TRPC4AP: variants seen among roughly 807,000 people sequenced by gnomAD.
TRPC4AP encodes the protein short transient receptor potential channel 4-associated protein.
In TRPC4AP, 45 loss-of-function variants were observed where a neutral mutation model predicts 99.0. The observed-to-expected ratio is 0.45, with a 90% confidence interval of 0.36 to 0.58. TRPC4AP has a LOEUF of 0.58. Among genes scored for constraint, TRPC4AP ranks in the 20% least tolerant of loss-of-function variants. TRPC4AP has a pLI of 0.00. For synonymous variants in TRPC4AP, 408 were observed against 385.8 expected, an observed-to-expected ratio of 1.06 and a Z score of -0.67; for missense variants, 879 against 985.3, an observed-to-expected ratio of 0.89 and a Z score of 1.44.
intron 8 of TRPC4AP, among the ~76,000 whole-genome samples, chr20:35,031,328 T>C (rs749476913): frequency 1.3e-5 from 2 of 151,598 alleles, no homozygotes; most frequent in Non-Finnish European, 2.9e-5. Context: ...GTTGAGGTGA[T>C]TGTCCCATCT....
intron 8 of TRPC4AP, among the ~76,000 whole-genome samples, chr20:35,029,357 T>A (rs2083110527): frequency 6.6e-6 from 1 of 152,220 alleles, no homozygotes. Flanking sequence ...GAATTGAAAG[T>A]GTGTTTTCTA....
chr20:35,060,000 TA>T (rs1202307701), intron 3 of TRPC4AP, among the ~76,000 whole-genome samples: 8 of 150,644 alleles, frequency 5.3e-5, no homozygotes, highest in Admixed American at 2.6e-4. Flanking sequence ...CTTAGTGATT[TA>T]AAAAAAAACA....
At chr20:35,043,182 G>C (rs1468643791) in intron 7 of TRPC4AP, among the ~76,000 whole-genome samples, 3 of 151,816 alleles carry the variant, frequency 2.0e-5, no homozygotes, top group East Asian at 1.9e-4. Flanking sequence ...ACACTAAGCA[G>C]TCCAGTGTTA....
chr20:35,074,624 T>G (rs959312440), intron 2 of TRPC4AP, among the ~76,000 whole-genome samples: 1 of 152,304 alleles, frequency 6.6e-6, no homozygotes, highest in African/African-American at 2.4e-5. Context: ...ATTGCACTGT[T>G]GTCTGAGAGA....
intron 7 of TRPC4AP, among the ~76,000 whole-genome samples, chr20:35,042,079 G>GTA (rs1231281817): frequency 6.6e-6 from 1 of 152,140 alleles, no homozygotes; most frequent in African/African-American, 2.4e-5. Flanking sequence ...TGTTACATAT[G>GTA]TATATATGTG....
At chr20:35,006,855 C>T (rs1244788162) in intron 14 of TRPC4AP, among the ~76,000 whole-genome samples, 2 of 152,214 alleles carry the variant, frequency 1.3e-5, no homozygotes, top group African/African-American at 2.4e-5. Flanking sequence ...CCAAGATGGC[C>T]GGGGTGCTCA....
intron 14 of TRPC4AP, among the ~76,000 whole-genome samples, chr20:35,007,185 C>A (rs945721051): frequency 6.6e-6 from 1 of 152,210 alleles, no homozygotes; most frequent in Non-Finnish European, 1.5e-5. Context: ...ATGAAAAAAT[C>A]TGAAAGACCA....
chr20:35,069,776 A>C (rs1376723175), intron 2 of TRPC4AP, among the ~76,000 whole-genome samples: 1 of 152,110 alleles, frequency 6.6e-6, no homozygotes, highest in Non-Finnish European at 1.5e-5. Context: ...CCCCATCTCT[A>C]CTAAAAGTAC....
intron 8 of TRPC4AP, among the ~76,000 whole-genome samples, chr20:35,032,685 G>C (rs1191587218): frequency 6.7e-6 from 1 of 149,262 alleles, no homozygotes; most frequent in Non-Finnish European, 1.5e-5. Flanking sequence ...TCTTAGCCAG[G>C]ATAGTCTCGA....
chr20:35,044,856 A>G, intron 6 of TRPC4AP, 144 bp from the exon 7 acceptor site: 1 of 736,994 alleles, frequency 1.4e-6, no homozygotes, highest in Non-Finnish European at 2.2e-6. Flanking sequence ...TGCAGCTCTG[A>G]AACTTTGGTT....
At chr20:35,079,198 G>A (rs2084561060) in intron 1 of TRPC4AP, among the ~76,000 whole-genome samples, 1 of 152,114 alleles carries the variant, frequency 6.6e-6, no homozygotes, top group African/African-American at 2.4e-5. Flanking sequence ...TAATGACAAA[G>A]GGGTTAATTC....
chr20:35,030,031 C>CGGG (rs2083142221), intron 8 of TRPC4AP, among the ~76,000 whole-genome samples: 4 of 148,266 alleles, frequency 2.7e-5, no homozygotes. Context: ...CACCTGAGGT[C>CGGG]AGGAGATCGA....
chr20:35,086,533 G>GTATATA (rs1308760481), intron 1 of TRPC4AP, among the ~76,000 whole-genome samples: 14 of 73,484 alleles, frequency 1.9e-4, no homozygotes, highest in African/African-American at 8.2e-4. Context: ...ATATGTGTGT[G>GTATATA]TGTGTGTGTG....
chr20:35,057,318 G>T (rs542855411), intron 4 of TRPC4AP, among the ~76,000 whole-genome samples, 196 bp downstream of exon 4: 49 of 152,142 alleles, frequency 3.2e-4, no homozygotes, highest in Non-Finnish European at 3.8e-4. Context: ...TCTTAACCCA[G>T]ATCTGAATTT....
chr20:35,019,285 G>A (rs1283667156), intron 9 of TRPC4AP, among the ~76,000 whole-genome samples: 1 of 152,130 alleles, frequency 6.6e-6, no homozygotes, highest in Non-Finnish European at 1.5e-5. Context: ...TGGTTTTGGG[G>A]GGCCAGGATT....
intron 5 of TRPC4AP, among the ~76,000 whole-genome samples, chr20:35,050,824 A>G (rs767518429): frequency 1.3e-5 from 2 of 152,072 alleles, no homozygotes; most frequent in Non-Finnish European, 2.9e-5. Context: ...CTTAGGTTCA[A>G]GAGTTTGGAT....
At chr20:35,050,923 G>A (rs754914726) in intron 5 of TRPC4AP, among the ~76,000 whole-genome samples, 15 of 152,050 alleles carry the variant, frequency 9.9e-5, no homozygotes, top group Non-Finnish European at 1.6e-4. Context: ...CTTGAGGCCA[G>A]GAGTGTGAGG....
At position 35,028,083 on chromosome 20, in the gene TRPC4AP, C is replaced by T. The variant is rs139767486; in HGVS notation, c.1052-6727G>A. Among the ~76,000 whole-genome samples, 282 of 152,258 alleles carry T rather than the reference C, an allele frequency of 1.9e-3. 1 individual carries two copies. Among genetic ancestry groups the T allele is most frequent in the African/African-American group, 6.0e-3 (248 of 41,550 alleles). Reference sequence around the variant, plus strand: ...TCTTTTTCCAATGACTTAAGGTAGACGTTTAGGCAATTTAGATTTATTTAA... The same window carrying T: ...TCTTTTTCCAATGACTTAAGGTAGATGTTTAGGCAATTTAGATTTATTTAA... On this transcript the variant is annotated intron_variant, in intron 8 of 18. Coordinates refer to ENST00000252015, the MANE Select transcript of TRPC4AP (RefSeq NM_015638.3).
chr20:35,022,877 G>T (rs1382427078), intron 8 of TRPC4AP, among the ~76,000 whole-genome samples: 2 of 152,088 alleles, frequency 1.3e-5, no homozygotes, highest in Admixed American at 1.3e-4. Flanking sequence ...TAAAAAATTA[G>T]CTGGGCATGG....
Sources: gnomAD v4.1 joint callset for allele counts (sites outside exome capture counted in the v4.1 genomes callset) on GRCh38, gnomAD v4.1.1 for gene constraint, MANE v1.5 for transcripts, NCBI Gene and HGNC (gene_info 2026-07-23, HGNC 2026-07-21) for gene names.